The following HOXB6 variants were observed in gnomAD, a reference collection of about 807,000 sequenced individuals.
The protein encoded by HOXB6 is homeobox protein Hox-B6.
In HOXB6, 18 loss-of-function variants were observed where a neutral mutation model predicts 24.2. The observed-to-expected ratio is 0.74, with a 90% confidence interval of 0.51 to 1.10. The LOEUF (loss-of-function observed/expected upper bound fraction) is 1.10. Among genes scored for constraint, HOXB6 ranks in the 50% least tolerant of loss-of-function variants. HOXB6 has a pLI of 0.00. For synonymous variants in HOXB6, 159 were observed against 139.1 expected (o/e 1.14, Z -1.01); for missense variants, 332 against 308.3 (o/e 1.08, Z -0.58).
rs1263663504 is a variant in HOXB6 at position 48,598,034 on chromosome 17, G to A, written c.117C>T (p.Tyr39=). 2 of 1,600,396 alleles carry A rather than the reference G, an allele frequency of 1.2e-6. No individual in the cohort carries two copies. Among genetic ancestry groups the A allele is most frequent in the African/African-American group, 1.3e-5 (1 of 74,818 alleles). The stretch of plus-strand genomic sequence containing the variant: ...CCGGCCCTGGCCCGTAGGGCGCGGG[G>A]TAATGTCTCAGCGGGTCCGCATAGC... ...SSGYADPLRH[Y]PAPYGPGPGQ... The change falls in exon 3 of 4, where the codon TAC becomes TAT. Residue 39 remains tyrosine (Y), a synonymous_variant. Transcript: ENST00000225648.
In HOXB6 at chr17:48,596,396, C is replaced by G. The variant is rs1280707402; in HGVS notation, c.*17G>C. Reference sequence around the variant, plus strand: ...ACAGGCCTTTCCCCTCGCGTCCTCCCTCCCTTTCCAGCACCTTCACTCGGC... The same window carrying G: ...ACAGGCCTTTCCCCTCGCGTCCTCCGTCCCTTTCCAGCACCTTCACTCGGC... On this transcript the variant is annotated 3_prime_UTR_variant, in exon 4 of 4. Coordinates refer to ENST00000225648, the MANE Select transcript of HOXB6 (RefSeq NM_018952.5). The surrounding 1 kb of genome is among the most constrained non-coding windows in gnomAD (Gnocchi z 4.8). 9 of 1,614,118 alleles carry G rather than the reference C, an allele frequency of 5.6e-6. 1 individual carries two copies. The South Asian group carries it at 6.6e-5, about 12-fold the overall frequency.
chr17:48,601,366 CTT>C (rs2070458103), intron 2 of HOXB6: 1 of 150,888 alleles, frequency 6.6e-6, no homozygotes, highest in South Asian at 2.1e-4. Flanking sequence ...GCGGCATCCT[CTT>C]TGATCTTTAG....
chr17:48,598,403 A>G (rs928682013), intron 2 of HOXB6, 175 bp from the exon 3 acceptor site: 8 of 337,460 alleles, frequency 2.4e-5, no homozygotes, highest in African/African-American at 6.5e-5. Context: ...GCACAAACCT[A>G]TCAACCTTTT....
At position 48,597,951 on chromosome 17, in the gene HOXB6, C is replaced by G. The variant is rs1157938536; in HGVS notation, c.200G>C (p.Gly67Ala). Residue 67 changes from glycine to alanine, a missense_variant, in exon 3 of 4, where the codon GGC becomes GCC. Coordinates refer to ENST00000225648, the MANE Select transcript of HOXB6 (RefSeq NM_018952.5). ...CCCGTAGTCGCAGGGCGCCGCTCGG[C>G]CGTAGCCACCGCCCGCCGGCGGGTA... ...SYYPPAGGGY[G>A]RAAPCDYGPA... 1.9e-6 allele frequency: 3 copies of G among 1,573,068 alleles called. No homozygotes were observed. In the African/African-American group the frequency reaches 4.1e-5, roughly 21 times the overall value.
rs1446708217 is a variant in HOXB6 at position 48,598,103 on chromosome 17, G to A, written c.48C>T (p.Ser16=). The change falls in exon 3 of 4, where the codon AGC becomes AGT. Residue 16 remains serine (S), a synonymous_variant. Transcript: ENST00000225648. ...GCTGGCCCAGGAAGGACTCCTGCCC[G>A]CTGGCCAGAGTGACGGGGAAGGTGG... ...VNSTFPVTLA[S]GQESFLGQLP... The A allele has an allele frequency of 4.4e-6, 7 of 1,597,694 alleles. No individual in the cohort carries two copies. The highest frequency in any genetic ancestry group is 6.0e-6 in the Non-Finnish European group (7 of 1,168,954).
intron 2 of HOXB6, among the ~76,000 whole-genome samples, chr17:48,600,952 A>G (rs1441577110): frequency 6.6e-6 from 1 of 151,684 alleles, no homozygotes; most frequent in Non-Finnish European, 1.5e-5. Context: ...TCAGTTCGGG[A>G]GTAAAATTCT....
chr17:48,598,356 G>T, intron 2 of HOXB6, 128 bp from the exon 3 acceptor site: 1 of 548,234 alleles, frequency 1.8e-6, no homozygotes, highest in Non-Finnish European at 3.1e-6. Context: ...TTGTCAAATA[G>T]CACCCAGGAG....
chr17:48,598,642 T>C (rs552328335), intron 2 of HOXB6, among the ~76,000 whole-genome samples: 1 of 152,314 alleles, frequency 6.6e-6, no homozygotes, highest in East Asian at 1.9e-4. Flanking sequence ...AACCCCTGCG[T>C]TGCTTCGACC....
Position 48,596,498 on chromosome 17 carries a change from C to T in HOXB6, c.590G>A (p.Arg197Gln). Residue 197 changes from arginine (R) to glutamine (Q), a missense_variant, in exon 4 of 4, where the codon CGA becomes CAA. By Grantham distance (43) the Arg-to-Gln change is conservative (BLOSUM62 1). Transcript: ENST00000225648. The surrounding 1 kb of genome is among the most constrained non-coding windows in gnomAD (Gnocchi z 4.8). ...ERQIKIWFQN[R>Q]RMKWKKESKL... is the part of the protein sequence containing the mutation. The stretch of plus-strand genomic sequence containing the variant: ...GCTCTCCTTTTTCCACTTCATGCGT[C>T]GGTTCTGGAACCATATCTTGATCTG... 5 of 1,614,270 alleles carry T rather than the reference C, an allele frequency of 3.1e-6. No homozygotes were observed. Among genetic ancestry groups the T allele is most frequent in the Non-Finnish European group, 4.2e-6 (5 of 1,180,054 alleles).
At position 48,598,095 on chromosome 17, in the gene HOXB6, T is replaced by G. The variant is rs1407884906; in HGVS notation, c.56A>C (p.Glu19Ala). 3.7e-6 allele frequency: 6 copies of G among 1,602,038 alleles called. No homozygotes were observed. The highest frequency in any genetic ancestry group is 5.1e-6 in the Non-Finnish European group (6 of 1,172,492). Reference sequence around the variant, plus strand: ...GAGCGGTAGCTGGCCCAGGAAGGACTCCTGCCCGCTGGCCAGAGTGACGGG... The same window carrying G: ...GAGCGGTAGCTGGCCCAGGAAGGACGCCTGCCCGCTGGCCAGAGTGACGGG... Reference protein sequence around the residue: ...TFPVTLASGQESFLGQLPLYS... With the variant: ...TFPVTLASGQASFLGQLPLYS... Residue 19 changes from glutamate (E) to alanine (A), a missense_variant, in exon 3 of 4, where the codon GAG becomes GCG. Coordinates refer to ENST00000225648, the MANE Select transcript of HOXB6 (RefSeq NM_018952.5).
chr17:48,604,958 G>C lies in HOXB6; in HGVS notation c.-311C>G, dbSNP rs1461586357. The C allele has an allele frequency of 6.6e-6, 1 of 152,542 alleles. No homozygotes were observed. Among genetic ancestry groups the C allele is most frequent in the African/African-American group, 2.4e-5 (1 of 41,414 alleles). 9.4% of individuals were successfully genotyped at this position (152,542 alleles called of 1,614,324 possible). A position where few individuals can be genotyped will look rare whatever the true frequency, so the allele number is the denominator to read the frequency against. On this transcript the variant is annotated 5_prime_UTR_variant, in exon 1 of 4. Transcript: ENST00000225648. Reference sequence around the variant, plus strand: ...GAGCCCTGAAGGACGACAGTGCTCCGACCTAGGTGTGGTGTCCAAAAGAAT... The same window carrying C: ...GAGCCCTGAAGGACGACAGTGCTCCCACCTAGGTGTGGTGTCCAAAAGAAT...
chr17:48,595,770 T>G lies in HOXB6; in HGVS notation c.*643A>C. 5.1e-6 allele frequency: 1 copy of G among 194,986 alleles called. No individual in the cohort carries two copies. Among genetic ancestry groups the G allele is most frequent in the Non-Finnish European group, 1.1e-5 (1 of 93,946 alleles). 12.1% of individuals were successfully genotyped at this position (194,986 alleles called of 1,614,324 possible). A position where few individuals can be genotyped will look rare whatever the true frequency, so the allele number is the denominator to read the frequency against. On this transcript the variant is annotated 3_prime_UTR_variant, in exon 4 of 4. Coordinates refer to ENST00000225648, the MANE Select transcript of HOXB6 (RefSeq NM_018952.5). ...CGAGCGTCGAGTTTTCACATCTTTATTATTGTTGTTGTTGTTGTTATTATT... is the reference window on the plus strand; with the variant it reads ...CGAGCGTCGAGTTTTCACATCTTTAGTATTGTTGTTGTTGTTGTTATTATT...
At position 48,595,847 on chromosome 17, in the gene HOXB6, C is replaced by A; in HGVS notation, c.*566G>T. ...CATCATCATCGAAGTATTTCACGTC[C>A]AGAGCTAAGACAAGACTACAAACAC... is the stretch of plus-strand genomic sequence containing the variant. On this transcript the variant is annotated 3_prime_UTR_variant, in exon 4 of 4. Coordinates refer to ENST00000225648, the MANE Select transcript of HOXB6 (RefSeq NM_018952.5). 1 of 238,470 alleles carries A rather than the reference C, an allele frequency of 4.2e-6. No homozygotes were observed. Among genetic ancestry groups the A allele is most frequent in the Non-Finnish European group, 8.5e-6 (1 of 117,762 alleles). The allele number at this position is 238,470 out of a possible 1,614,324, so 14.8% of individuals were successfully genotyped here. A position where few individuals can be genotyped will look rare whatever the true frequency, so the allele number is the denominator to read the frequency against.
chr17:48,600,107 C>A (rs543446153), intron 2 of HOXB6, among the ~76,000 whole-genome samples: 8 of 151,998 alleles, frequency 5.3e-5, no homozygotes, highest in Admixed American at 5.2e-4. Context: ...CAAATTTAAA[C>A]CCCCTGATAA....
At chr17:48,603,099 C>T (rs2070508657) in intron 2 of HOXB6, among the ~76,000 whole-genome samples, 1 of 152,236 alleles carries the variant, frequency 6.6e-6, no homozygotes, top group African/African-American at 2.4e-5. Context: ...CCTGTAACTC[C>T]GGGGCAACCA....
rs757440393 is a variant in HOXB6 at position 48,597,776 on chromosome 17, A to T, written c.375T>A (p.Thr125=). ...FGETEEQKCS[T]PVYPWMQRMN... ...TCCGCTGCATCCACGGGTAGACCGG[A>T]GTGGAGCACTTCTGCTCTTCTGTCT... Residue 125 remains threonine (T), a synonymous_variant, in exon 3 of 4, where the codon ACT becomes ACA. Transcript: ENST00000225648. 1 of 1,612,890 alleles carries T rather than the reference A, an allele frequency of 6.2e-7. No homozygotes were observed. The highest frequency in any genetic ancestry group is 8.5e-7 in the Non-Finnish European group (1 of 1,179,548).
rs1011905095 is a variant in HOXB6, at chr17:48,598,181, C to T, written c.-31G>A. On this transcript the variant is annotated 5_prime_UTR_variant, in exon 3 of 4. Coordinates refer to ENST00000225648, the MANE Select transcript of HOXB6 (RefSeq NM_018952.5). ...GGGGAGGCGCGCGCGGCCGCTGCTGCTCCGCCGGGTTTATGATTTGTTGTG... is the reference window on the plus strand; with the variant it reads ...GGGGAGGCGCGCGCGGCCGCTGCTGTTCCGCCGGGTTTATGATTTGTTGTG... The T allele has an allele frequency of 6.5e-7, 1 of 1,544,282 alleles. No individual in the cohort carries two copies. Among genetic ancestry groups the T allele is most frequent in the Admixed American group, 1.9e-5 (1 of 51,652 alleles).
At position 48,596,125 on chromosome 17, in the gene HOXB6, T is replaced by A. The variant is rs2070278469; in HGVS notation, c.*288A>T. ...TGCTCTGCTTCCAGGAAACATCAAG[T>A]GAGTCCGCTCCTCAGTTCTCACCAG... On this transcript the variant is annotated 3_prime_UTR_variant, in exon 4 of 4. Transcript: ENST00000225648. The surrounding 1 kb of genome is among the most constrained non-coding windows in gnomAD (Gnocchi z 4.8). 1 of 631,736 alleles carries A rather than the reference T, an allele frequency of 1.6e-6. No individual in the cohort carries two copies. Among genetic ancestry groups the A allele is most frequent in the Non-Finnish European group, 2.9e-6 (1 of 339,894 alleles). The allele number at this position is 631,736 out of a possible 1,614,324, so 39.1% of individuals were successfully genotyped here.
At chr17:48,602,325 G>T in intron 2 of HOXB6, 1 of 431,034 alleles carries the variant, frequency 2.3e-6, no homozygotes, top group South Asian at 1.6e-5. Flanking sequence ...AATAAACCTT[G>T]AACAGCCTTG....
Sources: allele counts gnomAD v4.1 joint callset (sites outside exome capture counted in the v4.1 genomes callset), GRCh38; gene constraint gnomAD v4.1.1; non-coding constraint Gnocchi (gnomAD v3.1); transcripts MANE v1.5; gene names NCBI Gene and HGNC (gene_info 2026-07-23, HGNC 2026-07-21).